The following EML1 variants were observed in gnomAD, a reference collection of about 807,000 sequenced individuals.
The protein encoded by EML1 is echinoderm microtubule-associated protein-like 1.
Under a neutral mutation model 110.4 loss-of-function variants are expected in EML1, and 27 were observed. That is an observed-to-expected ratio of 0.24 (90% CI 0.18 to 0.34). EML1 has a LOEUF of 0.34. Among genes scored for constraint, EML1 ranks in the 10% least tolerant of loss-of-function variants. The pLI, the probability that EML1 is intolerant of heterozygous loss-of-function variation, is 1.00. For synonymous variants in EML1, 344 were observed against 385.8 expected, an observed-to-expected ratio of 0.89 and a Z score of 1.27; for missense variants, 741 against 1,030.9, an observed-to-expected ratio of 0.72 and a Z score of 3.85.
At chr14:99,855,482 A>G (rs1019960001) in intron 2 of EML1, among the ~76,000 whole-genome samples, 1 of 152,210 alleles carries the variant, frequency 6.6e-6, no homozygotes. Context: ...CAATCAATCC[A>G]TTGTATACAC....
At chr14:99,929,508 A>G (rs2060327411) in intron 17 of EML1, among the ~76,000 whole-genome samples, 1 of 152,192 alleles carries the variant, frequency 6.6e-6, no homozygotes, top group South Asian at 2.1e-4. Context: ...GTGCCCAGCT[A>G]GCTCCTAGCA....
rs771132085 is a variant in EML1 at position 99,920,771 on chromosome 14, T to G, written c.1821-18T>G. On this transcript the variant is annotated intron_variant, in intron 16 of 21. Coordinates refer to ENST00000262233, the MANE Select transcript of EML1 (RefSeq NM_004434.3). ...CTTATTAAACAACTTACTGTGCTTTTTCTCATGTTGATAACAGGTGGTTTG... is the reference window on the plus strand; with the variant it reads ...CTTATTAAACAACTTACTGTGCTTTGTCTCATGTTGATAACAGGTGGTTTG... 1 of 1,601,030 alleles carries G rather than the reference T, an allele frequency of 6.2e-7. No individual in the cohort carries two copies. The highest frequency in any genetic ancestry group is 8.5e-7 in the Non-Finnish European group (1 of 1,174,640).
chr14:99,798,193 A>G (rs1483985210), intron 1 of EML1, among the ~76,000 whole-genome samples: 2 of 152,184 alleles, frequency 1.3e-5, no homozygotes, highest in Non-Finnish European at 2.9e-5. Context: ...GACAATGATT[A>G]TAGTTCTTTC....
intron 9 of EML1, among the ~76,000 whole-genome samples, chr14:99,901,585 C>T (rs1470624423): frequency 6.6e-6 from 1 of 152,188 alleles, no homozygotes; most frequent in Admixed American, 6.5e-5. Context: ...TGATGATATG[C>T]TAAACAAGGG....
chr14:99,774,729 T>A (rs1251448474), intron 1 of EML1, among the ~76,000 whole-genome samples: 1 of 152,226 alleles, frequency 6.6e-6, no homozygotes, highest in African/African-American at 2.4e-5. Flanking sequence ...GCCCTGCAGT[T>A]CTAGGGGTAA....
At chr14:99,737,775 C>T (rs1478962824) in exon 1 of EML1, 3 of 1,287,718 alleles carry the variant, frequency 2.3e-6, no homozygotes, top group Non-Finnish European at 3.0e-6. Context: ...GTGACAGCCG[C>T]TGAGGCTCTG....
intron 19 of EML1, 151 bp from the exon 20 acceptor site, chr14:99,937,666 A>G: frequency 3.2e-6 from 2 of 626,214 alleles, no homozygotes; most frequent in South Asian, 3.9e-5. Flanking sequence ...ACATCTGTGC[A>G]CACGTGGTTC....
chr14:99,888,854 TG>T, intron 4 of EML1, among the ~76,000 whole-genome samples: 1 of 151,826 alleles, frequency 6.6e-6, no homozygotes, highest in South Asian at 2.1e-4. Flanking sequence ...GGAAATCACC[TG>T]GAGGTGTAGA....
intron 17 of EML1, among the ~76,000 whole-genome samples, chr14:99,923,099 G>A (rs1257709146): frequency 1.3e-5 from 2 of 151,972 alleles, no homozygotes; most frequent in Admixed American, 6.6e-5. Context: ...ACACCACCAC[G>A]TCTGGCTAAT....
At chr14:99,759,395 C>T (rs1237451817) in intron 1 of EML1, among the ~76,000 whole-genome samples, 1 of 152,248 alleles carries the variant, frequency 6.6e-6, no homozygotes, top group African/African-American at 2.4e-5. Context: ...TCCAGCTGCA[C>T]TCACCATCTC....
intron 17 of EML1, 140 bp downstream of exon 17, chr14:99,921,017 C>A: frequency 1.4e-6 from 1 of 710,810 alleles, no homozygotes. Context: ...CAACCCATCA[C>A]CCACGTATTA....
In EML1 at chr14:99,806,696, G is replaced by A. The variant is rs111455545; in HGVS notation, c.67+13153G>A. Among the ~76,000 whole-genome samples, 432 of 152,218 alleles carry A rather than the reference G, an allele frequency of 2.8e-3. 2 individuals carry two copies. Among genetic ancestry groups the A allele is most frequent in the African/African-American group, 0.01 (420 of 41,534 alleles). On this transcript the variant is annotated intron_variant, in intron 1 of 21. Transcript: ENST00000262233. ...CAAGACCACTCTCAAGAAGGGTAGT[G>A]CCAAGTATGAGGAGACAGGGCATGG...
intron 3 of EML1, among the ~76,000 whole-genome samples, chr14:99,871,915 C>G (rs2059211948): frequency 1.3e-5 from 2 of 152,158 alleles, no homozygotes; most frequent in African/African-American, 4.8e-5. Context: ...GGAACGTGGC[C>G]CGGGCTGTCT....
At chr14:99,874,819 AT>A (rs2059262407) in intron 3 of EML1, 2 of 909,888 alleles carry the variant, frequency 2.2e-6, no homozygotes, top group Non-Finnish European at 3.2e-6. Flanking sequence ...ATGTCTTTCG[AT>A]TTTGATGTGT....
At chr14:99,857,380 A>T (rs2139852247) in intron 2 of EML1, among the ~76,000 whole-genome samples, 1 of 152,358 alleles carries the variant, frequency 6.6e-6, no homozygotes, top group Non-Finnish European at 1.5e-5. Flanking sequence ...GTCAGCATTC[A>T]GATTTCCCTA....
chr14:99,855,944 G>T (rs1206303987), intron 2 of EML1, among the ~76,000 whole-genome samples: 1 of 152,276 alleles, frequency 6.6e-6, no homozygotes, highest in East Asian at 1.9e-4. Flanking sequence ...CAGATTTTTA[G>T]CTGTGAGAAG....
intron 1 of EML1, among the ~76,000 whole-genome samples, chr14:99,817,045 GT>G (rs1409217124): frequency 1.3e-5 from 2 of 152,210 alleles, no homozygotes; most frequent in Non-Finnish European, 2.9e-5. Context: ...GCATGTAGGT[GT>G]TGGGGAGCTG....
intron 1 of EML1, among the ~76,000 whole-genome samples, chr14:99,778,733 T>TTTCAAGAAAGGTAAA (rs1350802634): frequency 6.6e-6 from 1 of 152,232 alleles, no homozygotes; most frequent in Non-Finnish European, 1.5e-5. Flanking sequence ...CATGATTTGA[T>TTTCAAGAAAGGTAAA]GGTGTGTCTG....
At chr14:99,858,375 G>T (rs1195327800) in intron 2 of EML1, among the ~76,000 whole-genome samples, 1 of 152,036 alleles carries the variant, frequency 6.6e-6, no homozygotes, top group Non-Finnish European at 1.5e-5. Context: ...AGTAGAGACG[G>T]GTTTTCTCCA....
Sources: gnomAD v4.1 joint callset for allele counts (sites outside exome capture counted in the v4.1 genomes callset) on GRCh38, gnomAD v4.1.1 for gene constraint, MANE v1.5 for transcripts, NCBI Gene and HGNC (gene_info 2026-07-23, HGNC 2026-07-21) for gene names.